ARHGAP10: variants seen among roughly 807,000 people sequenced by gnomAD.
ARHGAP10 encodes the protein rho GTPase-activating protein 10.
In ARHGAP10, 87 loss-of-function variants were observed where a neutral mutation model predicts 108.6. The observed-to-expected ratio is 0.80, with a 90% confidence interval of 0.67 to 0.96. The LOEUF (loss-of-function observed/expected upper bound fraction) is 0.96. Among genes scored for constraint, ARHGAP10 ranks in the 40% least tolerant of loss-of-function variants. The pLI is 0.00. For synonymous variants in ARHGAP10, 347 were observed against 341.1 expected (o/e 1.02, Z -0.19); for missense variants, 939 against 954.5 (o/e 0.98, Z 0.21).
At chr4:147,777,196 C>T (rs1259763525) in intron 1 of ARHGAP10, among the ~76,000 whole-genome samples, 2 of 151,740 alleles carry the variant, frequency 1.3e-5, no homozygotes, top group Non-Finnish European at 2.9e-5. Flanking sequence ...ATTTGGTTTT[C>T]TGTCTTTGCT....
chr4:147,734,155 C>T (rs916762578), intron 1 of ARHGAP10, among the ~76,000 whole-genome samples: 43 of 152,098 alleles, frequency 2.8e-4, no homozygotes, highest in African/African-American at 8.7e-4. Flanking sequence ...TACCTTCTCT[C>T]TCATTGGTTG....
intron 20 of ARHGAP10, among the ~76,000 whole-genome samples, chr4:148,060,120 G>A (rs1729546782): frequency 6.6e-6 from 1 of 152,094 alleles, no homozygotes; most frequent in African/African-American, 2.4e-5. Flanking sequence ...CTTATGGGCT[G>A]CCATTCCAAA....
chr4:147,984,822 C>T (rs1272685596), intron 18 of ARHGAP10, among the ~76,000 whole-genome samples: 3 of 152,196 alleles, frequency 2.0e-5, no homozygotes, highest in East Asian at 3.9e-4. Flanking sequence ...ACTGGGGAAA[C>T]TCTCTGTTGC....
intron 3 of ARHGAP10, among the ~76,000 whole-genome samples, chr4:147,833,571 A>G (rs1733040478): frequency 6.6e-6 from 1 of 152,238 alleles, no homozygotes; most frequent in Non-Finnish European, 1.5e-5. Flanking sequence ...ATGAAAAGTG[A>G]TTCAGAGGAG....
chr4:148,052,882 T>C (rs1240192572), intron 20 of ARHGAP10, among the ~76,000 whole-genome samples: 1 of 152,084 alleles, frequency 6.6e-6, no homozygotes, highest in East Asian at 1.9e-4. Flanking sequence ...GCACAGAGGT[T>C]AGCTCCTTCC....
rs200388255 is a variant in ARHGAP10 at position 148,064,426 on chromosome 4, C to T, written c.2191C>T (p.Arg731Trp). 22 of 1,613,498 alleles carry T rather than the reference C, an allele frequency of 1.4e-5. No homozygotes were observed. Among genetic ancestry groups the T allele is most frequent in the South Asian group, 2.2e-5 (2 of 90,942 alleles). Reference sequence around the variant, plus strand: ...TCTCTTTCTTTTCAGCATCCGCAGTCGGAAGGCTCGAGCCGTGTATCCGTG... The same window carrying T: ...TCTCTTTCTTTTCAGCATCCGCAGTTGGAAGGCTCGAGCCGTGTATCCGTG... The part of the protein sequence containing the change: ...ADKPPESIRS[R>W]KARAVYPCEA... Residue 731 changes from arginine (R) to tryptophan (W), a missense_variant, in exon 22 of 23, where the codon CGG (arginine) becomes TGG (tryptophan). Transcript: ENST00000336498.
chr4:147,839,183 C>T (rs1048269183), intron 3 of ARHGAP10, among the ~76,000 whole-genome samples: 1 of 151,896 alleles, frequency 6.6e-6, no homozygotes, highest in African/African-American at 2.4e-5. Flanking sequence ...TTCTAGGCAC[C>T]ATTTAAGATT....
rs556467392 is a variant in ARHGAP10, at chr4:147,763,917, G to A, written c.154+31462G>A. On this transcript the variant is annotated intron_variant, in intron 1 of 22. Transcript: ENST00000336498. ...TTACAGGCGTACGCCGCCATGCCTG[G>A]CTAATTTCTGTATTTTGAGTAGAGA... 1.9e-4 allele frequency among the ~76,000 whole-genome samples: 29 copies of A among 152,156 alleles called. 1 individual carries two copies. The South Asian group carries it at 6.0e-3, about 32-fold the overall frequency.
At chr4:147,782,129 C>T (rs948638956) in intron 1 of ARHGAP10, among the ~76,000 whole-genome samples, 4 of 152,120 alleles carry the variant, frequency 2.6e-5, no homozygotes, top group Admixed American at 2.0e-4. Flanking sequence ...TGCCACATTG[C>T]CATAAGGTGA....
chr4:147,784,702 A>G (rs1287996383), intron 1 of ARHGAP10, among the ~76,000 whole-genome samples: 1 of 89,682 alleles, frequency 1.1e-5, no homozygotes, highest in Non-Finnish European at 2.0e-5. Context: ...ATATTATAAA[A>G]TATATATTAT....
chr4:147,736,058 T>TA (rs1728399114), intron 1 of ARHGAP10, among the ~76,000 whole-genome samples: 1 of 152,264 alleles, frequency 6.6e-6, no homozygotes, highest in East Asian at 1.9e-4. Flanking sequence ...TAACAGTCCT[T>TA]ACAGTTATTA....
chr4:147,991,594 A>G (rs1354161225), intron 18 of ARHGAP10, among the ~76,000 whole-genome samples: 1 of 152,226 alleles, frequency 6.6e-6, no homozygotes, highest in Non-Finnish European at 1.5e-5. Flanking sequence ...GGCTCCCAGA[A>G]GGCGAGGAGG....
chr4:147,812,851 G>A (rs898938929), intron 1 of ARHGAP10, among the ~76,000 whole-genome samples: 2 of 152,084 alleles, frequency 1.3e-5, no homozygotes, highest in African/African-American at 2.4e-5. Flanking sequence ...AATACAGTGT[G>A]AAAATGTCCA....
At chr4:148,022,019 A>G (rs776296912) in intron 18 of ARHGAP10, among the ~76,000 whole-genome samples, 17 of 152,232 alleles carry the variant, frequency 1.1e-4, no homozygotes, top group Non-Finnish European at 1.2e-4. Flanking sequence ...CTGTGCAATT[A>G]AAACTCCAGC....
At chr4:147,803,984 T>A (rs1731679286) in intron 1 of ARHGAP10, among the ~76,000 whole-genome samples, 1 of 151,740 alleles carries the variant, frequency 6.6e-6, no homozygotes, top group African/African-American at 2.4e-5. Context: ...ATATGGTAGT[T>A]GTATTTTTAG....
chr4:147,779,928 C>T (rs923797836), intron 1 of ARHGAP10, among the ~76,000 whole-genome samples: 1 of 152,194 alleles, frequency 6.6e-6, no homozygotes, highest in Admixed American at 6.5e-5. Flanking sequence ...TAGACACTTA[C>T]ACCCTTATAG....
intron 18 of ARHGAP10, among the ~76,000 whole-genome samples, chr4:147,993,786 A>G (rs1369507171): frequency 6.6e-6 from 1 of 152,260 alleles, no homozygotes; most frequent in African/African-American, 2.4e-5. Flanking sequence ...CCTGCAGAGG[A>G]TATAATGGAT....
chr4:147,798,722 A>ACTCTCTCTCTCTCTCTCT (rs1491305896), intron 1 of ARHGAP10, among the ~76,000 whole-genome samples: 1 of 107,410 alleles, frequency 9.3e-6, no homozygotes, highest in Admixed American at 9.8e-5. Flanking sequence ...GGAGTTTGAG[A>ACTCTCTCTCTCTCTCTCT]CACTCTCTCT....
chr4:147,988,991 C>T lies in ARHGAP10; in HGVS notation c.1716+22152C>T, dbSNP rs116705132. ...TTCCATTGTTTTGGATGCTCCTTAT[C>T]GGGGACCTGCCCCGATAATCACGTA... On this transcript the variant is annotated intron_variant, in intron 18 of 22. Coordinates refer to ENST00000336498, the MANE Select transcript of ARHGAP10 (RefSeq NM_024605.4). Among the ~76,000 whole-genome samples, 891 of 152,170 alleles carry T rather than the reference C, an allele frequency of 5.9e-3. 12 individuals carry two copies. Among genetic ancestry groups the T allele is most frequent in the African/African-American group, 0.02 (832 of 41,538 alleles).
Sources: gnomAD v4.1 joint callset for allele counts (sites outside exome capture counted in the v4.1 genomes callset) on GRCh38, gnomAD v4.1.1 for gene constraint, MANE v1.5 for transcripts, NCBI Gene and HGNC (gene_info 2026-07-23, HGNC 2026-07-21) for gene names.